ASIC2: variants seen among roughly 807,000 people sequenced by gnomAD.
The protein encoded by ASIC2 is acid-sensing ion channel 2.
A neutral mutation model predicts 57.3 loss-of-function variants in ASIC2; 25 were observed. The observed-to-expected ratio is 0.44, with a 90% CI of 0.32 to 0.61. ASIC2 has a LOEUF of 0.61. Among genes scored for constraint, ASIC2 ranks in the 20% least tolerant of loss-of-function variants. The pLI is 0.06. For synonymous variants in ASIC2, 319 were observed against 307.5 expected (o/e 1.04, Z -0.39); for missense variants, 641 against 738.1 (o/e 0.87, Z 1.52).
intron 1 of ASIC2, among the ~76,000 whole-genome samples, chr17:33,228,540 C>T (rs1345816626): frequency 6.6e-6 from 1 of 152,224 alleles, no homozygotes; most frequent in Non-Finnish European, 1.5e-5. Flanking sequence ...CACATGATAG[C>T]CACACAATAT....
intron 1 of ASIC2, among the ~76,000 whole-genome samples, chr17:33,817,651 GT>G (rs1253022012): frequency 2.6e-5 from 4 of 152,120 alleles, no homozygotes; most frequent in South Asian, 4.1e-4. Flanking sequence ...TGCTACGGCT[GT>G]TTATTACTGT....
Position 33,923,589 on chromosome 17 carries a change from T to G in ASIC2, c.555+232389A>C, listed in dbSNP as rs371738682. Among the ~76,000 whole-genome samples the G allele has an allele frequency of 2.0e-5, 3 of 152,266 alleles. No homozygotes were observed. The South Asian group carries it at 6.2e-4, about 32-fold the overall frequency. The stretch of plus-strand genomic sequence containing the variant: ...TGTGGCTGGACCTTACAATTATTTA[T>G]AGGGAAAATGATTTCTCTCTTATAC... On this transcript the variant is annotated intron_variant, in intron 1 of 9. Transcript: ENST00000359872.
intron 1 of ASIC2, among the ~76,000 whole-genome samples, chr17:33,992,457 T>G (rs939794851): frequency 5.3e-5 from 8 of 152,226 alleles, no homozygotes; most frequent in Non-Finnish European, 1.0e-4. Flanking sequence ...AATTTACTTC[T>G]TTCCTTCCAA....
intron 1 of ASIC2, among the ~76,000 whole-genome samples, chr17:33,370,494 G>C (rs1355955645): frequency 1.3e-5 from 2 of 152,194 alleles, no homozygotes; most frequent in East Asian, 3.9e-4. Context: ...TGCAAGCAAA[G>C]GCTGGAGGGG....
Position 33,455,949 on chromosome 17 carries a change from GGA to G in ASIC2, c.556-343884_556-343883del, listed in dbSNP as rs551505736. ...TTGTCCAATGGTGTCATTTTTAAGA[GGA>G]GCCAGGACAGCTCAGAGAGGTGAGG... On this transcript the variant is annotated intron_variant, in intron 1 of 9. Coordinates refer to the ASIC2 transcript ENST00000359872. Among the ~76,000 whole-genome samples, 28 of 152,298 alleles carry G rather than the reference GGA, an allele frequency of 1.8e-4. No homozygotes were observed. The South Asian group carries it at 5.8e-3, about 32-fold the overall frequency.
intron 1 of ASIC2, among the ~76,000 whole-genome samples, chr17:33,343,664 T>C (rs1907825471): frequency 1.3e-5 from 2 of 152,218 alleles, no homozygotes; most frequent in Non-Finnish European, 2.9e-5. Context: ...TGAGAGACTT[T>C]CAGCCTCAGC....
intron 1 of ASIC2, among the ~76,000 whole-genome samples, chr17:33,474,281 C>T (rs1444122929): frequency 2.0e-5 from 3 of 152,200 alleles, no homozygotes; most frequent in Non-Finnish European, 4.4e-5. Context: ...ACAGGAGAAT[C>T]CCTTGAACCT....
chr17:33,767,127 TCA>T (rs1910957509), intron 1 of ASIC2, among the ~76,000 whole-genome samples: 1 of 152,196 alleles, frequency 6.6e-6, no homozygotes, highest in Non-Finnish European at 1.5e-5. Flanking sequence ...GATTTGAGGC[TCA>T]CATTTGAAAG....
At chr17:33,971,781 G>C (rs1283212114) in intron 1 of ASIC2, among the ~76,000 whole-genome samples, 2 of 152,178 alleles carry the variant, frequency 1.3e-5, no homozygotes, top group African/African-American at 4.8e-5. Flanking sequence ...TGGATCTTCA[G>C]ACCCAGACCT....
intron 1 of ASIC2, among the ~76,000 whole-genome samples, chr17:33,412,490 TC>T (rs747446730): frequency 1.3e-5 from 2 of 152,154 alleles, no homozygotes; most frequent in South Asian, 2.1e-4. Flanking sequence ...ACATTAATCT[TC>T]CCTTGCAGAG....
chr17:33,769,714 C>G (rs925399196), intron 1 of ASIC2, among the ~76,000 whole-genome samples: 1 of 152,196 alleles, frequency 6.6e-6, no homozygotes, highest in African/African-American at 2.4e-5. Flanking sequence ...GAGGAAGAGA[C>G]GATCCACTCT....
intron 1 of ASIC2, among the ~76,000 whole-genome samples, chr17:34,144,377 C>G (rs1303189296): frequency 6.6e-6 from 1 of 152,150 alleles, no homozygotes; most frequent in African/African-American, 2.4e-5. Context: ...GGAGCTGGGT[C>G]CCTGGCTTGA....
At chr17:33,110,611 C>T (rs142204289) in intron 2 of ASIC2, among the ~76,000 whole-genome samples, 9 of 152,236 alleles carry the variant, frequency 5.9e-5, no homozygotes, top group African/African-American at 9.6e-5. Flanking sequence ...GCCACACTCC[C>T]GTCCCTGCAA....
At chr17:33,938,824 C>T (rs1230831938) in intron 1 of ASIC2, among the ~76,000 whole-genome samples, 1 of 152,234 alleles carries the variant, frequency 6.6e-6, no homozygotes, top group African/African-American at 2.4e-5. Context: ...CTCCCTGCCT[C>T]AGTGACTCTG....
chr17:33,069,719 T>A (rs1482879227), intron 3 of ASIC2, among the ~76,000 whole-genome samples: 4 of 152,206 alleles, frequency 2.6e-5, no homozygotes, highest in Non-Finnish European at 1.5e-5. Flanking sequence ...AAAAAACTAT[T>A]TTTACCTTTA....
intron 1 of ASIC2, among the ~76,000 whole-genome samples, chr17:33,905,609 G>A (rs1915331201): frequency 6.6e-6 from 1 of 152,126 alleles, no homozygotes; most frequent in African/African-American, 2.4e-5. Context: ...TGCTAATATG[G>A]GGTTTGAACC....
rs143411743 is a variant in ASIC2, at chr17:34,076,171, T to C, written c.555+79807A>G. On this transcript the variant is annotated intron_variant, in intron 1 of 9. Transcript: ENST00000359872. ...GTGCCTGCCACCATGCCTGGCTAAT[T>C]TTTTCGTATTTTTAATAGACACGGG... Among the ~76,000 whole-genome samples, 248 of 151,996 alleles carry C rather than the reference T, an allele frequency of 1.6e-3. No individual in the cohort carries two copies. In the Middle Eastern group the frequency reaches 0.044, roughly 27 times the overall value.
chr17:34,063,670 G>C (rs1243367934), intron 1 of ASIC2, among the ~76,000 whole-genome samples: 2 of 152,114 alleles, frequency 1.3e-5, no homozygotes, highest in Admixed American at 6.5e-5. Context: ...ACTCAGCCAA[G>C]TTTCCAGATA....
intron 1 of ASIC2, among the ~76,000 whole-genome samples, chr17:33,415,264 G>A (rs1731450854): frequency 6.6e-6 from 1 of 152,168 alleles, no homozygotes; most frequent in African/African-American, 2.4e-5. Flanking sequence ...ATCTGTCGAT[G>A]CTCGAATCTA....
Sources: gnomAD v4.1 joint callset for allele counts (sites outside exome capture counted in the v4.1 genomes callset) on GRCh38, gnomAD v4.1.1 for gene constraint, MANE v1.5 for transcripts, NCBI Gene and HGNC (gene_info 2026-07-23, HGNC 2026-07-21) for gene names.